The following RAD51B variants were observed in gnomAD, a reference collection of about 807,000 sequenced individuals.
RAD51B encodes the protein RAD51 paralog B, also known as DNA repair protein RAD51 homolog 2.
A neutral mutation model predicts 42.2 loss-of-function variants in RAD51B; 38 were observed. The ratio of observed to expected loss-of-function variants is 0.90; its 90% confidence interval spans 0.70 to 1.18. The LOEUF is 1.18. RAD51B is among the 50% of genes most tolerant of loss of function. The pLI is 0.00. For synonymous variants in RAD51B, 154 were observed against 145.2 expected (o/e 1.06, Z -0.43); for missense variants, 373 against 400.7 (o/e 0.93, Z 0.59).
At chr14:68,308,652 G>A (rs1048060086) in intron 8 of RAD51B, among the ~76,000 whole-genome samples, 5 of 135,022 alleles carry the variant, frequency 3.7e-5, no homozygotes, top group Non-Finnish European at 7.7e-5. Context: ...CCAGTTCTAT[G>A]ATTTGAGATG....
intron 7 of RAD51B, among the ~76,000 whole-genome samples, chr14:68,286,663 C>T (rs936116603): frequency 3.3e-5 from 5 of 152,220 alleles, no homozygotes; most frequent in African/African-American, 9.6e-5. Flanking sequence ...TCCCCTTCCA[C>T]CCCACCAAAG....
chr14:68,463,007 C>G (rs1265041232), intron 9 of RAD51B, among the ~76,000 whole-genome samples: 1 of 152,090 alleles, frequency 6.6e-6, no homozygotes, highest in Admixed American at 6.5e-5. Context: ...CACTAGGGCC[C>G]TGTTGTTTTA....
chr14:68,378,724 A>G (rs565228531), intron 8 of RAD51B, among the ~76,000 whole-genome samples: 1 of 151,918 alleles, frequency 6.6e-6, no homozygotes, highest in African/African-American at 2.4e-5. Flanking sequence ...CATTGGTTGA[A>G]TCTACAGATG....
intron 7 of RAD51B, among the ~76,000 whole-genome samples, chr14:68,085,268 A>T (rs1384554213): frequency 6.6e-6 from 1 of 152,156 alleles, no homozygotes; most frequent in Admixed American, 6.5e-5. Context: ...ATTTCTAGAG[A>T]CACAGAGAGA....
At chr14:68,637,807 T>TAC (rs898501054) in intron 10 of RAD51B, among the ~76,000 whole-genome samples, 12 of 151,886 alleles carry the variant, frequency 7.9e-5, no homozygotes, top group Admixed American at 3.3e-4. Flanking sequence ...CCTCTTCACA[T>TAC]ACACACACAC....
intron 8 of RAD51B, among the ~76,000 whole-genome samples, chr14:68,337,287 G>A (rs1295522237): frequency 6.6e-6 from 1 of 152,076 alleles, no homozygotes; most frequent in Non-Finnish European, 1.5e-5. Flanking sequence ...ATGCTTTCAG[G>A]TACCAAAATG....
chr14:68,034,599 G>A (rs948765926), intron 7 of RAD51B, among the ~76,000 whole-genome samples: 3 of 152,086 alleles, frequency 2.0e-5, no homozygotes, highest in African/African-American at 7.2e-5. Flanking sequence ...CAATAAGAAT[G>A]TTGAAAAGAT....
intron 7 of RAD51B, chr14:68,130,049 G>T (rs1174691200): frequency 6.6e-6 from 1 of 152,190 alleles, no homozygotes; most frequent in Non-Finnish European, 1.5e-5. Flanking sequence ...CAAGGTATTG[G>T]TTGGCAGTGT....
intron 10 of RAD51B, among the ~76,000 whole-genome samples, chr14:68,585,794 C>T (rs1890434874): frequency 1.3e-5 from 2 of 152,134 alleles, no homozygotes; most frequent in African/African-American, 4.8e-5. Context: ...CCTGGCTGGG[C>T]GGCTGACTTT....
chr14:68,273,544 G>A (rs1248321886), intron 7 of RAD51B, among the ~76,000 whole-genome samples: 1 of 152,184 alleles, frequency 6.6e-6, no homozygotes, highest in Non-Finnish European at 1.5e-5. Flanking sequence ...GGAGTTAAGT[G>A]ATTCAAATGC....
chr14:68,237,245 T>C (rs2080279154), intron 7 of RAD51B, among the ~76,000 whole-genome samples: 1 of 152,204 alleles, frequency 6.6e-6, no homozygotes, highest in African/African-American at 2.4e-5. Flanking sequence ...ACATCTTGAA[T>C]TGAGGATCAT....
chr14:68,379,717 C>T (rs2083442017), intron 8 of RAD51B, among the ~76,000 whole-genome samples: 1 of 152,184 alleles, frequency 6.6e-6, no homozygotes, highest in Admixed American at 6.5e-5. Flanking sequence ...AGATTTTGTC[C>T]ATTCCTCCCA....
At chr14:68,233,434 T>C (rs1328826981) in intron 7 of RAD51B, among the ~76,000 whole-genome samples, 1 of 152,258 alleles carries the variant, frequency 6.6e-6, no homozygotes, top group Non-Finnish European at 1.5e-5. Flanking sequence ...TTTAGATTTC[T>C]GTTTGTATAT....
intron 10 of RAD51B, among the ~76,000 whole-genome samples, chr14:68,586,233 A>G (rs1477655064): frequency 6.6e-6 from 1 of 152,174 alleles, no homozygotes; most frequent in Non-Finnish European, 1.5e-5. Flanking sequence ...GGCAGTGATG[A>G]GCCTCAAGTA....
At chr14:68,383,488 G>A (rs1453777130) in intron 8 of RAD51B, among the ~76,000 whole-genome samples, 1 of 152,152 alleles carries the variant, frequency 6.6e-6, no homozygotes, top group Non-Finnish European at 1.5e-5. Flanking sequence ...GTACACACTG[G>A]AGGAAACGTC....
At chr14:68,298,002 G>A (rs1196503612) in intron 8 of RAD51B, among the ~76,000 whole-genome samples, 1 of 152,158 alleles carries the variant, frequency 6.6e-6, no homozygotes, top group East Asian at 1.9e-4. Flanking sequence ...ATTTTACATG[G>A]TTCTATTCAC....
At chr14:68,514,923 C>T (rs1032186239) in intron 10 of RAD51B, among the ~76,000 whole-genome samples, 4 of 152,150 alleles carry the variant, frequency 2.6e-5, no homozygotes, top group African/African-American at 9.7e-5. Flanking sequence ...CATTCTTGCA[C>T]TCTCTTAAAT....
intron 10 of RAD51B, among the ~76,000 whole-genome samples, chr14:68,509,816 G>A (rs1885595909): frequency 6.6e-6 from 1 of 152,248 alleles, no homozygotes; most frequent in Non-Finnish European, 1.5e-5. Context: ...ACATGGCCTT[G>A]TTCCAGGAGG....
intron 10 of RAD51B, among the ~76,000 whole-genome samples, chr14:68,512,280 G>C (rs906724982): frequency 1.3e-5 from 2 of 152,232 alleles, no homozygotes; most frequent in African/African-American, 4.8e-5. Context: ...ATTTGAGTGA[G>C]GGCTGGCGGG....
Sources: gnomAD v4.1 joint callset for allele counts (sites outside exome capture counted in the v4.1 genomes callset) on GRCh38, gnomAD v4.1.1 for gene constraint, MANE v1.5 for transcripts, NCBI Gene and HGNC (gene_info 2026-07-23, HGNC 2026-07-21) for gene names.